Variants in CDC27 observed in about 807,000 individuals in gnomAD.
The protein encoded by CDC27 is cell division cycle 27.
A neutral mutation model predicts 109.7 loss-of-function variants in CDC27; 27 were observed. The observed-to-expected ratio is 0.25, with a 90% CI of 0.18 to 0.34. The LOEUF (loss-of-function observed/expected upper bound fraction) is 0.34, where lower values mean the gene tolerates loss of function less well. Ranked by LOEUF, CDC27 falls within the 10% of genes least tolerant of loss-of-function variation. CDC27 has a pLI of 1.00. For synonymous variants in CDC27, 266 were observed against 333.9 expected (o/e 0.80, Z 2.22); for missense variants, 579 against 960.2 (o/e 0.60, Z 5.25).
At chr17:47,133,698 C>A (rs1170068257) in intron 14 of CDC27, among the ~76,000 whole-genome samples, 1 of 152,150 alleles carries the variant, frequency 6.6e-6, no homozygotes, top group Non-Finnish European at 1.5e-5. Flanking sequence ...TCGGCCTCGG[C>A]CTCCCAAAGT....
intron 1 of CDC27, 46 bp downstream of exon 1, chr17:47,189,100 C>A (rs752416702): frequency 1.9e-6 from 3 of 1,603,100 alleles, no homozygotes; most frequent in East Asian, 4.5e-5. Context: ...TGCTGCTTCC[C>A]GACCGAGGCT....
At chr17:47,134,293 TA>T (rs1369855365) in intron 14 of CDC27, among the ~76,000 whole-genome samples, 4 of 146,402 alleles carry the variant, frequency 2.7e-5, no homozygotes, top group African/African-American at 1.0e-4. Context: ...ACCACACCCC[TA>T]AACCCATATA....
intron 2 of CDC27, among the ~76,000 whole-genome samples, chr17:47,173,648 T>G (rs1443777123): frequency 2.0e-5 from 3 of 152,208 alleles, no homozygotes; most frequent in Non-Finnish European, 4.4e-5. Flanking sequence ...TGCAATAAAA[T>G]TGCCTAATAA....
chr17:47,127,455 C>T (rs571851231), intron 16 of CDC27, among the ~76,000 whole-genome samples: 15 of 149,718 alleles, frequency 1.0e-4, no homozygotes, highest in African/African-American at 3.4e-4. Flanking sequence ...CAGGCTGGAG[C>T]GCAGTGGTGT....
chr17:47,133,028 T>TATATACATACAC (rs1555783886), intron 14 of CDC27, among the ~76,000 whole-genome samples: 1 of 29,824 alleles, frequency 3.4e-5, no homozygotes, highest in Non-Finnish European at 5.8e-5. Context: ...TATATATATA[T>TATATACATACAC]ACACACACAC....
chr17:47,150,848 C>G (rs1035625434), intron 9 of CDC27, among the ~76,000 whole-genome samples: 2 of 152,134 alleles, frequency 1.3e-5, no homozygotes, highest in Non-Finnish European at 2.9e-5. Flanking sequence ...GCCTGACCAA[C>G]ATGGAGAAAC....
At chr17:47,125,926 T>C (rs192167120) in intron 16 of CDC27, among the ~76,000 whole-genome samples, 394 of 152,288 alleles carry the variant, frequency 2.6e-3, no homozygotes, top group Non-Finnish European at 3.4e-3. Flanking sequence ...TGATATGTTT[T>C]CTTTCTATGA....
intron 4 of CDC27, 123 bp from the exon 5 acceptor site, chr17:47,158,426 C>CT (rs1315166115): frequency 2.4e-6 from 1 of 417,002 alleles, no homozygotes; most frequent in Non-Finnish European, 4.2e-6. Flanking sequence ...TGATGCTTCT[C>CT]TAAGTTACCA....
At chr17:47,153,466 T>C (rs2063208762) in intron 8 of CDC27, among the ~76,000 whole-genome samples, 1 of 152,228 alleles carries the variant, frequency 6.6e-6, no homozygotes, top group Admixed American at 6.5e-5. Context: ...TTAAGTATTC[T>C]TGGAGTTCCT....
chr17:47,164,208 A>G (rs566879032), intron 4 of CDC27, among the ~76,000 whole-genome samples: 17 of 152,310 alleles, frequency 1.1e-4, no homozygotes, highest in Non-Finnish European at 2.5e-4. Flanking sequence ...TAGGTTATAC[A>G]ATATAGCCTA....
At chr17:47,175,610 G>A (rs1372411396) in intron 2 of CDC27, among the ~76,000 whole-genome samples, 2 of 152,180 alleles carry the variant, frequency 1.3e-5, no homozygotes, top group Non-Finnish European at 2.9e-5. Flanking sequence ...GAGTCCACGA[G>A]CTGGAGACCA....
chr17:47,168,607 G>C (rs188215062), intron 4 of CDC27, among the ~76,000 whole-genome samples: 1 of 152,116 alleles, frequency 6.6e-6, no homozygotes, highest in East Asian at 1.9e-4. Flanking sequence ...AAAGTTTCTT[G>C]ACTAAATGAC....
intron 1 of CDC27, among the ~76,000 whole-genome samples, chr17:47,185,444 A>G (rs1334491225): frequency 6.6e-6 from 1 of 152,044 alleles, no homozygotes; most frequent in Non-Finnish European, 1.5e-5. Context: ...CAGCCCCCCA[A>G]AGTGCTGGGA....
intron 4 of CDC27, among the ~76,000 whole-genome samples, chr17:47,158,545 T>C (rs2063390708): frequency 1.3e-5 from 2 of 152,116 alleles, no homozygotes; most frequent in African/African-American, 4.8e-5. Context: ...TTACTATTAC[T>C]TTAAACTTCC....
Position 47,120,135 on chromosome 17 carries a change from T to C in CDC27, c.*800A>G, listed in dbSNP as rs1375777762. 6.6e-6 allele frequency: 1 copy of C among 152,178 alleles called. No individual in the cohort carries two copies. Among genetic ancestry groups the C allele is most frequent in the Non-Finnish European group, 1.5e-5 (1 of 68,034 alleles). 9.4% of individuals were successfully genotyped at this position (152,178 alleles called of 1,614,324 possible). A position where few individuals can be genotyped will look rare whatever the true frequency, so the allele number is the denominator to read the frequency against. ...TAAGGGCCTTGTTTTGGCTTCTCAG[T>C]GGGGAACCACTCTATCATCTCTGAA... is the stretch of plus-strand genomic sequence containing the variant. On this transcript the variant is annotated 3_prime_UTR_variant, in exon 19 of 19. Transcript: ENST00000066544.
At chr17:47,176,925 T>A (rs2064036197) in intron 2 of CDC27, among the ~76,000 whole-genome samples, 1 of 152,168 alleles carries the variant, frequency 6.6e-6, no homozygotes, top group Admixed American at 6.5e-5. Flanking sequence ...AGTTTTTTTT[T>A]ATATGTTGCC....
chr17:47,174,749 A>G (rs554304998), intron 2 of CDC27, among the ~76,000 whole-genome samples: 106 of 152,302 alleles, frequency 7.0e-4, no homozygotes, highest in African/African-American at 2.3e-3. Flanking sequence ...TGAGGTCAAG[A>G]GTTCAAGGCC....
At chr17:47,130,877 C>A (rs1252551519) in intron 15 of CDC27, among the ~76,000 whole-genome samples, 92 of 138,946 alleles carry the variant, frequency 6.6e-4, no homozygotes, top group East Asian at 6.5e-4. Flanking sequence ...AACTCCATCT[C>A]AAAAAAAAAA....
chr17:47,151,771 G>A, intron 9 of CDC27, 35 bp downstream of exon 9: 3 of 1,473,862 alleles, frequency 2.0e-6, no homozygotes, highest in Non-Finnish European at 2.7e-6. Context: ...CAAGTTTTAT[G>A]CCAAGAAAAG....
Sources: gnomAD v4.1 joint callset for allele counts (sites outside exome capture counted in the v4.1 genomes callset) on GRCh38, gnomAD v4.1.1 for gene constraint, MANE v1.5 for transcripts, NCBI Gene and HGNC (gene_info 2026-07-23, HGNC 2026-07-21) for gene names.